Variants in ADGRL2 observed in about 807,000 individuals in gnomAD.
The protein encoded by ADGRL2 is calcium-independent alpha-latrotoxin receptor 2.
ADGRL2 carries 44 observed loss-of-function variants against 157.4 expected under a neutral mutation model. The ratio of observed to expected loss-of-function variants is 0.28; its 90% CI spans 0.22 to 0.36. ADGRL2 has a LOEUF of 0.36. ADGRL2 is among the 10% of genes least tolerant of loss of function. The probability of loss-of-function intolerance (pLI) is 1.00; values close to 1 mark genes in which losing one functional copy is unlikely to be tolerated. For missense variants in ADGRL2, 1,510 were observed against 1,768.9 expected (o/e 0.85, Z 2.63); for synonymous variants, 585 against 624.7 (o/e 0.94, Z 0.95).
At chr1:81,577,168 G>A (rs2080814120) in intron 2 of ADGRL2, among the ~76,000 whole-genome samples, 1 of 152,124 alleles carries the variant, frequency 6.6e-6, no homozygotes, top group South Asian at 2.1e-4. Flanking sequence ...CCACAATGCT[G>A]ACTGGGGGAC....
chr1:81,489,080 A>G (rs1275296886), intron 2 of ADGRL2, among the ~76,000 whole-genome samples: 3 of 152,030 alleles, frequency 2.0e-5, no homozygotes, highest in Non-Finnish European at 4.4e-5. Flanking sequence ...TCTACTAAAA[A>G]TACAAAAATT....
intron 2 of ADGRL2, among the ~76,000 whole-genome samples, chr1:81,871,332 CATTG>C (rs1187418387): frequency 6.6e-6 from 1 of 152,000 alleles, no homozygotes; most frequent in African/African-American, 2.4e-5. Context: ...TCCAGTCTAT[CATTG>C]ATGGACATTT....
At chr1:81,708,236 A>G (rs1570908534) in intron 1 of ADGRL2, among the ~76,000 whole-genome samples, 1 of 152,176 alleles carries the variant, frequency 6.6e-6, no homozygotes, top group Non-Finnish European at 1.5e-5. Context: ...TTACCAAGAG[A>G]ATGCCGTGCT....
intron 2 of ADGRL2, among the ~76,000 whole-genome samples, chr1:81,902,525 T>C (rs1294722432): frequency 2.6e-5 from 4 of 152,066 alleles, no homozygotes; most frequent in Non-Finnish European, 4.4e-5. Flanking sequence ...TTGAACCTGG[T>C]GGGTGGAGGT....
chr1:81,883,327 T>C (rs1481823039), intron 2 of ADGRL2, among the ~76,000 whole-genome samples: 1 of 152,156 alleles, frequency 6.6e-6, no homozygotes, highest in Non-Finnish European at 1.5e-5. Context: ...AAATCAGATA[T>C]TAGCATTCAG....
intron 1 of ADGRL2, among the ~76,000 whole-genome samples, chr1:81,425,687 T>A (rs1241648037): frequency 6.6e-6 from 1 of 152,088 alleles, no homozygotes; most frequent in African/African-American, 2.4e-5. Context: ...AAAATATAAA[T>A]CCTTACTTTT....
chr1:81,715,232 C>T (rs902172692), intron 1 of ADGRL2, among the ~76,000 whole-genome samples: 12 of 150,738 alleles, frequency 8.0e-5, no homozygotes, highest in African/African-American at 2.7e-4. Context: ...ACCAAACAGG[C>T]CACTCAAATG....
At chr1:81,677,278 C>G in intron 3 of ADGRL2, among the ~76,000 whole-genome samples, 1 of 152,204 alleles carries the variant, frequency 6.6e-6, no homozygotes, top group Non-Finnish European at 1.5e-5. Flanking sequence ...AGCCACCACA[C>G]CTGGCCCAAC....
At chr1:81,892,576 T>C (rs528318953) in intron 2 of ADGRL2, among the ~76,000 whole-genome samples, 1 of 152,268 alleles carries the variant, frequency 6.6e-6, no homozygotes, top group Non-Finnish European at 1.5e-5. Flanking sequence ...TTGTAGTCTA[T>C]TCACTGATTT....
At chr1:81,505,193 C>T (rs1291574385) in intron 2 of ADGRL2, 2 of 494,282 alleles carry the variant, frequency 4.0e-6, no homozygotes, top group African/African-American at 6.3e-5. Context: ...CGCTCACCCC[C>T]ACTCCCACAC....
rs770685951 is a variant in ADGRL2 at position 81,970,510 on chromosome 1, A to G, written c.2930A>G (p.Tyr977Cys). The change falls in exon 16 of 24, where the codon TAT becomes TGT. Residue 977 changes from tyrosine (Y) to cysteine (C), a missense_variant. Tyr to Cys is a radical substitution (Grantham distance 194). Around this residue, in one of 4 missense-constraint regions of ADGRL2, gnomAD observed 497 missense variants for 627.2 expected, o/e 0.79. Coordinates refer to ENST00000686636, the MANE Select transcript of ADGRL2 (RefSeq NM_001366006.2). ...TVVGVSAAIDYKSYGTEKACW... is the reference protein window; with the variant it reads ...TVVGVSAAIDCKSYGTEKACW... ...GTTGGAGTTTCAGCTGCTATTGACT[A>G]TAAGAGCTATGGAACAGAAAAAGCG... 17 of 1,599,662 alleles carry G rather than the reference A, an allele frequency of 1.1e-5. No homozygotes were observed. Among genetic ancestry groups the G allele is most frequent in the African/African-American group, 1.4e-5 (1 of 73,854 alleles).
chr1:81,501,788 C>CAGT, intron 2 of ADGRL2: 1 of 1,599,070 alleles, frequency 6.3e-7, no homozygotes, highest in Non-Finnish European at 8.5e-7. Context: ...ACTTCAGCAG[C>CAGT]AGCAGCAGCA....
intron 2 of ADGRL2, among the ~76,000 whole-genome samples, chr1:81,570,274 G>A (rs76953377): frequency 0.015 from 2,296 of 152,186 alleles, 72 homozygotes; most frequent in African/African-American, 0.05. Context: ...AGACAGTCTT[G>A]GTTTTTTTGT....
intron 1 of ADGRL2, among the ~76,000 whole-genome samples, chr1:81,803,288 C>A (rs1278056972): frequency 1.3e-5 from 2 of 152,026 alleles, no homozygotes; most frequent in Non-Finnish European, 2.9e-5. Context: ...ATGGAAGCGC[C>A]CCAGCAGTGT....
intron 2 of ADGRL2, among the ~76,000 whole-genome samples, chr1:81,786,535 C>T (rs964408315): frequency 6.6e-6 from 1 of 152,166 alleles, no homozygotes; most frequent in African/African-American, 2.4e-5. Flanking sequence ...AAGATCGTGC[C>T]ACTGCACTCC....
chr1:81,437,955 T>C (rs529455798), intron 1 of ADGRL2, among the ~76,000 whole-genome samples: 1 of 152,206 alleles, frequency 6.6e-6, no homozygotes, highest in East Asian at 1.9e-4. Context: ...TGCCTACTAT[T>C]AGTCACCTAT....
intron 2 of ADGRL2, among the ~76,000 whole-genome samples, chr1:81,517,216 T>C (rs968232505): frequency 6.6e-6 from 1 of 152,084 alleles, no homozygotes; most frequent in East Asian, 1.9e-4. Flanking sequence ...CTCACGCCTG[T>C]AATCCCAGCA....
chr1:81,603,027 C>T (rs2081364691), intron 3 of ADGRL2, among the ~76,000 whole-genome samples: 1 of 152,108 alleles, frequency 6.6e-6, no homozygotes, highest in African/African-American at 2.4e-5. Flanking sequence ...AGGTCAATGA[C>T]TGAGTGGAAA....
At chr1:81,958,196 G>T (rs1654195903) in intron 11 of ADGRL2, among the ~76,000 whole-genome samples, 1 of 152,062 alleles carries the variant, frequency 6.6e-6, no homozygotes, top group Non-Finnish European at 1.5e-5. Flanking sequence ...GGCAGAGCTT[G>T]CAGTGAGCCG....
Sources: gnomAD v4.1 joint callset for allele counts (sites outside exome capture counted in the v4.1 genomes callset) on GRCh38, gnomAD v4.1.1 for gene constraint, gnomAD v4.1.1 regional missense constraint, MANE v1.5 for transcripts, NCBI Gene and HGNC (gene_info 2026-07-23, HGNC 2026-07-21) for gene names.